Variants in SAMSN1 observed in about 807,000 individuals in gnomAD.
SAMSN1 encodes the protein SAM domain-containing protein SAMSN-1.
Under a neutral mutation model 42.0 loss-of-function variants are expected in SAMSN1, and 31 were observed. The ratio of observed to expected loss-of-function variants is 0.74; its 90% CI spans 0.55 to 1.00. SAMSN1 has a LOEUF of 1.00. Among genes scored for constraint, SAMSN1 ranks in the 50% least tolerant of loss-of-function variants. The pLI is 0.00. For missense variants in SAMSN1, 464 were observed against 439.4 expected (o/e 1.06, Z -0.50); for synonymous variants, 178 against 151.9 (o/e 1.17, Z -1.26).
chr21:14,530,236 G>T (rs926088301), intron 1 of SAMSN1, among the ~76,000 whole-genome samples: 4 of 144,462 alleles, frequency 2.8e-5, no homozygotes, highest in African/African-American at 1.0e-4. Flanking sequence ...AGAATGGCGT[G>T]AACCTGGGAG....
chr21:14,621,622 C>G (rs941061017), intron 2 of SAMSN1, among the ~76,000 whole-genome samples: 23 of 75,082 alleles, frequency 3.1e-4, no homozygotes, highest in Non-Finnish European at 5.1e-4. Flanking sequence ...AACAAAGTGG[C>G]TGGGAAGCTC....
upstream of SAMSN1, among the ~76,000 whole-genome samples, chr21:14,548,001 G>A (rs185450284): frequency 4.2e-4 from 63 of 151,502 alleles, no homozygotes; most frequent in African/African-American, 1.4e-3. Flanking sequence ...GTTGAGGTGG[G>A]GTAATTCCCC....
chr21:14,605,830 T>C (rs553218127), intron 5 of SAMSN1, among the ~76,000 whole-genome samples: 1 of 150,196 alleles, frequency 6.7e-6, no homozygotes, highest in South Asian at 2.1e-4. Context: ...ATTTATTTAT[T>C]TATTTATTTA....
intron 2 of SAMSN1, among the ~76,000 whole-genome samples, chr21:14,579,243 C>G (rs1051984128): frequency 6.6e-6 from 1 of 152,190 alleles, no homozygotes. Context: ...TGAGGCTTTT[C>G]TGTCACGAAT....
At chr21:14,592,103 G>A (rs1399164509) in intron 7 of SAMSN1, 2 of 152,150 alleles carry the variant, frequency 1.3e-5, no homozygotes, top group African/African-American at 2.4e-5. Context: ...TGGGGGTTGT[G>A]TTGATTTAAG....
intron 2 of SAMSN1, among the ~76,000 whole-genome samples, chr21:14,571,378 G>C (rs1981295162): frequency 6.6e-6 from 1 of 152,186 alleles, no homozygotes; most frequent in South Asian, 2.1e-4. Flanking sequence ...GGTTGGGCTT[G>C]AGGTGAGCTG....
At chr21:14,534,577 GCT>G (rs1979481521) in intron 1 of SAMSN1, among the ~76,000 whole-genome samples, 5 of 151,204 alleles carry the variant, frequency 3.3e-5, no homozygotes, top group African/African-American at 2.4e-5. Flanking sequence ...GTGCAGTGGC[GCT>G]GTCTCGGCTC....
rs1983510793 is a variant in SAMSN1 at position 14,638,104 on chromosome 21, A to G, written c.156+4898T>C. ...CAGAAGACTAAAAACCACATTATAT[A>G]CATTCCCGCAAAGCTTGGATAGCAG... On this transcript the variant is annotated intron_variant, in intron 2 of 15. Transcript: ENST00000647101. Among the ~76,000 whole-genome samples, 3 of 152,208 alleles carry G rather than the reference A, an allele frequency of 2.0e-5. No individual in the cohort carries two copies. In the South Asian group the frequency reaches 6.2e-4, roughly 32 times the overall value.
intron 2 of SAMSN1, among the ~76,000 whole-genome samples, chr21:14,636,298 T>C (rs1471497595): frequency 6.6e-6 from 1 of 152,184 alleles, no homozygotes; most frequent in African/African-American, 2.4e-5. Flanking sequence ...TCCCTCTTCC[T>C]CACTTCTCAT....
chr21:14,541,621 AG>A (rs1980039358), intron 1 of SAMSN1, among the ~76,000 whole-genome samples: 1 of 152,200 alleles, frequency 6.6e-6, no homozygotes, highest in South Asian at 2.1e-4. Context: ...TGGCCCAGGA[AG>A]GCCAAAAGAT....
intron 1 of SAMSN1, among the ~76,000 whole-genome samples, chr21:14,542,044 A>G (rs1390586707): frequency 6.6e-6 from 1 of 152,060 alleles, no homozygotes; most frequent in Non-Finnish European, 1.5e-5. Context: ...AAAGAAAGAA[A>G]GTTTTTTTAC....
At chr21:14,643,072 A>G (rs1331683647) in exon 2 of SAMSN1, 4 of 717,258 alleles carry the variant, frequency 5.6e-6, no homozygotes, top group Admixed American at 2.0e-5. Context: ...TCTACTAGAC[A>G]TGTTTTCTTG....
chr21:14,556,878 A>G (rs1247041507), intron 2 of SAMSN1, among the ~76,000 whole-genome samples: 1 of 152,234 alleles, frequency 6.6e-6, no homozygotes, highest in Non-Finnish European at 1.5e-5. Flanking sequence ...GAGAAATGAA[A>G]GAAAGATCTG....
At chr21:14,573,643 A>G (rs1438822639) in intron 2 of SAMSN1, among the ~76,000 whole-genome samples, 1 of 152,188 alleles carries the variant, frequency 6.6e-6, no homozygotes, top group African/African-American at 2.4e-5. Flanking sequence ...GAAAAATTAG[A>G]AAGAAACCTT....
In SAMSN1 at chr21:14,570,604, C is replaced by G. The variant is rs574908554; in HGVS notation, c.261+11532G>C. Among the ~76,000 whole-genome samples, 5 of 152,312 alleles carry G rather than the reference C, an allele frequency of 3.3e-5. No individual in the cohort carries two copies. The South Asian group carries it at 8.3e-4, about 25-fold the overall frequency. On this transcript the variant is annotated intron_variant, in intron 2 of 8. Coordinates refer to the SAMSN1 transcript ENST00000285670. ...TTTCGGTTGGCATCACAAGAGATGACTTTTGAAACTGACATTTCTTTCATT... is the reference window on the plus strand; with the variant it reads ...TTTCGGTTGGCATCACAAGAGATGAGTTTTGAAACTGACATTTCTTTCATT...
Position 14,512,537 on chromosome 21 carries a change from T to C in SAMSN1, c.316A>G (p.Asn106Asp). 1 of 1,613,958 alleles carries C rather than the reference T, an allele frequency of 6.2e-7. No individual in the cohort carries two copies. The highest frequency in any genetic ancestry group is 8.5e-7 in the Non-Finnish European group (1 of 1,179,854). The change falls in exon 4 of 8, where the codon AAC (asparagine) becomes GAC (aspartate). Residue 106 changes from asparagine (N) to aspartate (D), a missense_variant. Asn to Asp is a conservative substitution (Grantham distance 23, BLOSUM62 1). Transcript: ENST00000400566. Reference protein sequence around the residue: ...EDGENAHPYRNSDPVIGTHTE... With the variant: ...EDGENAHPYRDSDPVIGTHTE... Reference sequence around the variant, plus strand: ...TGGGTCCCAATCACAGGGTCACTGTTTCTATATGGGTGGGCATTCTCTCCA... The same window carrying C: ...TGGGTCCCAATCACAGGGTCACTGTCTCTATATGGGTGGGCATTCTCTCCA...
chr21:14,594,169 T>A (rs1982178643), intron 6 of SAMSN1: 1 of 613,230 alleles, frequency 1.6e-6, no homozygotes, highest in South Asian at 1.9e-5. Flanking sequence ...CCAAACTAAT[T>A]GGGAAAGGAT....
At chr21:14,584,175 T>C (rs942418014), upstream of SAMSN1, among the ~76,000 whole-genome samples, 2 of 152,204 alleles carry the variant, frequency 1.3e-5, no homozygotes, top group African/African-American at 2.4e-5. Context: ...ACTGATAGTA[T>C]ACAAAGTCTA....
intron 6 of SAMSN1, among the ~76,000 whole-genome samples, chr21:14,595,555 A>G (rs1427154627): frequency 1.3e-5 from 2 of 152,208 alleles, no homozygotes; most frequent in African/African-American, 2.4e-5. Flanking sequence ...ACAGGGAAAT[A>G]TGAATATTCA....
Sources: gnomAD v4.1 joint callset for allele counts (sites outside exome capture counted in the v4.1 genomes callset) on GRCh38, gnomAD v4.1.1 for gene constraint, MANE v1.5 for transcripts, NCBI Gene and HGNC (gene_info 2026-07-23, HGNC 2026-07-21) for gene names.